Variants in DENND10 observed in about 807,000 individuals in gnomAD.
The protein encoded by DENND10 is DENN domain containing 10, also known as DENN domain-containing protein 10.
DENND10 carries 24 observed loss-of-function variants against 43.6 expected under a neutral mutation model. The ratio of observed to expected loss-of-function variants is 0.55; its 90% CI spans 0.40 to 0.77. The LOEUF (loss-of-function observed/expected upper bound fraction) is 0.77, where lower values mean the gene tolerates loss of function less well. DENND10 is among the 30% of genes least tolerant of loss of function. The probability of loss-of-function intolerance (pLI) is 0.00; values close to 1 mark genes in which losing one functional copy is unlikely to be tolerated. For synonymous variants in DENND10, 125 were observed against 157.6 expected (o/e 0.79, Z 1.55); for missense variants, 303 against 429.9 (o/e 0.70, Z 2.61).
Position 119,132,620 on chromosome 10 carries a change from C to T in DENND10, c.897+11C>T. 1 of 1,604,044 alleles carries T rather than the reference C, an allele frequency of 6.2e-7. No individual in the cohort carries two copies. The highest frequency in any genetic ancestry group is 8.5e-7 in the Non-Finnish European group (1 of 1,170,718). ...AGCCACGTTATACAGGTAACTCCCT[C>T]ACCTTCTGACTTACTGAAAGTCCTG... On this transcript the variant is annotated intron_variant, in intron 8 of 8. Coordinates refer to ENST00000361432, the MANE Select transcript of DENND10 (RefSeq NM_207009.4). This position sits in a 1 kb window ranked among gnomAD's most constrained non-coding sequence, Gnocchi z 4.2.
At chr10:119,104,781 G>T (rs927181417) in intron 1 of DENND10, 1 of 152,518 alleles carries the variant, frequency 6.6e-6, no homozygotes, top group Non-Finnish European at 1.5e-5. Flanking sequence ...CAAGGACCGA[G>T]GGGCCGTGGG....
At chr10:119,115,021 C>T (rs1252486878) in intron 3 of DENND10, among the ~76,000 whole-genome samples, 2 of 152,096 alleles carry the variant, frequency 1.3e-5, no homozygotes, top group East Asian at 1.9e-4. Flanking sequence ...CCTCTTGCCT[C>T]GGCCTCCTAG....
intron 2 of DENND10, among the ~76,000 whole-genome samples, chr10:119,109,790 CT>C (rs765025286): frequency 4.3e-3 from 604 of 139,406 alleles, no homozygotes; most frequent in Middle Eastern, 7.6e-3. Flanking sequence ...AGCTAATTTT[CT>C]TTTTTTTTTT....
chr10:119,104,861 T>C (rs1164677147), intron 1 of DENND10: 1 of 152,370 alleles, frequency 6.6e-6, no homozygotes, highest in African/African-American at 2.4e-5. Context: ...GGACACACCA[T>C]AGGCCGTACA....
intron 1 of DENND10, among the ~76,000 whole-genome samples, chr10:119,106,671 G>A (rs1321831067): frequency 6.6e-6 from 1 of 152,170 alleles, no homozygotes; most frequent in Admixed American, 6.6e-5. Context: ...CACACAGTTG[G>A]TATGCAACAT....
At chr10:119,129,141 C>G (rs1845967179) in intron 6 of DENND10, among the ~76,000 whole-genome samples, 1 of 152,166 alleles carries the variant, frequency 6.6e-6, no homozygotes, top group African/African-American at 2.4e-5. Flanking sequence ...CATTTCCACT[C>G]TGAGAACCCA....
chr10:119,113,301 C>T (rs909586916), intron 3 of DENND10, among the ~76,000 whole-genome samples: 5 of 151,076 alleles, frequency 3.3e-5, no homozygotes, highest in Admixed American at 1.3e-4. Flanking sequence ...GCAGTCCTCT[C>T]ACCTCAGCCT....
chr10:119,133,683 A>T (rs1400634168), intron 8 of DENND10: 2 of 152,320 alleles, frequency 1.3e-5, no homozygotes, highest in African/African-American at 4.8e-5. Context: ...GAAAGATGAG[A>T]GGGGCCATTT....
chr10:119,124,708 A>T (rs779767540), intron 6 of DENND10, among the ~76,000 whole-genome samples: 6 of 152,078 alleles, frequency 3.9e-5, no homozygotes, highest in Non-Finnish European at 7.3e-5. Context: ...AACCATTGGT[A>T]AACATACAGT....
intron 3 of DENND10, chr10:119,114,135 C>T (rs1845124315): frequency 6.6e-6 from 1 of 152,146 alleles, no homozygotes; most frequent in Non-Finnish European, 1.5e-5. Flanking sequence ...TTGTAGTATC[C>T]TGGATTTCTT....
intron 2 of DENND10, among the ~76,000 whole-genome samples, chr10:119,110,455 T>C (rs972536156): frequency 5.3e-5 from 8 of 152,054 alleles, no homozygotes; most frequent in Admixed American, 5.2e-4. Context: ...TATAAGTAAA[T>C]GAAGGTTTTT....
intron 1 of DENND10, chr10:119,105,549 C>T: frequency 1.8e-6 from 2 of 1,134,538 alleles, no homozygotes; most frequent in Non-Finnish European, 1.1e-6. Context: ...CAAAACAAAA[C>T]CTAAGTAACT....
intron 1 of DENND10, 71 bp downstream of exon 1, chr10:119,104,268 A>G: frequency 7.2e-7 from 1 of 1,391,626 alleles, no homozygotes; most frequent in Non-Finnish European, 9.5e-7. Context: ...GGCCCGGGGC[A>G]GCCCGGGCTC....
intron 4 of DENND10, among the ~76,000 whole-genome samples, chr10:119,119,347 G>C (rs924421365): frequency 6.6e-6 from 1 of 151,962 alleles, no homozygotes; most frequent in Non-Finnish European, 1.5e-5. Flanking sequence ...TCACCATTTT[G>C]GCCAGGCTGG....
Position 119,104,159 on chromosome 10 carries a change from T to G in DENND10, c.17T>G (p.Val6Gly), listed in dbSNP as rs1249175916. The G allele has an allele frequency of 6.6e-7, 1 of 1,517,946 alleles. No homozygotes were observed. Among genetic ancestry groups the G allele is most frequent in the African/African-American group, 1.4e-5 (1 of 69,532 alleles). 94.0% of individuals were successfully genotyped at this position (1,517,946 alleles called of 1,614,324 possible). MAAAE[V>G]ADTQLMLGVG... is the part of the protein sequence containing the mutation. ...CGGCGGAAGATGGCTGCGGCCGAGG[T>G]GGCGGACACTCAGCTGATGCTTGGA... The change falls in exon 1 of 9, where the codon GTG (valine) becomes GGG (glycine). Residue 6 changes from valine (V) to glycine (G), a missense_variant. By Grantham distance (109) the Val-to-Gly change is moderately radical. Coordinates refer to ENST00000361432, the MANE Select transcript of DENND10 (RefSeq NM_207009.4).
At chr10:119,135,364 T>C (rs1260508132) in intron 8 of DENND10, among the ~76,000 whole-genome samples, 1 of 152,088 alleles carries the variant, frequency 6.6e-6, no homozygotes, top group African/African-American at 2.4e-5. Context: ...AGCAACCCAG[T>C]GTCCTTCAGC....
chr10:119,113,240 A>G (rs1845066166), intron 3 of DENND10, among the ~76,000 whole-genome samples: 1 of 144,776 alleles, frequency 6.9e-6, no homozygotes, highest in Non-Finnish European at 1.5e-5. Context: ...CCTAGCTTGG[A>G]GTGCAGTGGC....
intron 5 of DENND10, among the ~76,000 whole-genome samples, chr10:119,121,611 C>T (rs530578144): frequency 2.8e-4 from 42 of 151,866 alleles, no homozygotes; most frequent in African/African-American, 8.2e-4. Flanking sequence ...CGCACCACCA[C>T]GCCCAGCTAA....
At chr10:119,128,586 T>A (rs1360601827) in intron 6 of DENND10, among the ~76,000 whole-genome samples, 1 of 146,536 alleles carries the variant, frequency 6.8e-6, no homozygotes, top group Non-Finnish European at 1.5e-5. Context: ...CTGGCCTGGG[T>A]GACAGAGCGA....
Sources: allele counts gnomAD v4.1 joint callset (sites outside exome capture counted in the v4.1 genomes callset), GRCh38; gene constraint gnomAD v4.1.1; non-coding constraint Gnocchi (gnomAD v3.1); transcripts MANE v1.5; gene names NCBI Gene and HGNC (gene_info 2026-07-23, HGNC 2026-07-21).